ERN2: variants seen among roughly 807,000 people sequenced by gnomAD.
The protein encoded by ERN2 is serine/threonine-protein kinase/endoribonuclease IRE2.
Under a neutral mutation model 107.9 loss-of-function variants are expected in ERN2, and 111 were observed. The observed-to-expected ratio is 1.03, with a 90% CI of 0.88 to 1.20. The LOEUF is 1.20. Ranked by LOEUF, ERN2 falls within the 50% of genes most tolerant of loss-of-function variation. ERN2 has a pLI of 0.00. For missense variants in ERN2, 1,225 were observed against 1,197.9 expected (o/e 1.02, Z -0.33); for synonymous variants, 524 against 501.7 (o/e 1.04, Z -0.59).
rs1960482139 is a variant in ERN2, at chr16:23,710,169, A to G, written c.306+3T>C. 2.5e-6 allele frequency: 4 copies of G among 1,609,152 alleles called. No homozygotes were observed. Among genetic ancestry groups the G allele is most frequent in the Non-Finnish European group, 3.4e-6 (4 of 1,175,500 alleles). On this transcript the variant is annotated splice_donor_region_variant and intron_variant, in intron 4 of 21. Coordinates refer to ENST00000256797, the MANE Select transcript of ERN2 (RefSeq NM_033266.4). ...CCATTCCCGAACACCATGGGATACA[A>G]ACCATTAATCCCTGTTGTTTTTGGG...
chr16:23,694,267 G>T (rs893327072), intron 17 of ERN2, among the ~76,000 whole-genome samples: 8 of 152,202 alleles, frequency 5.3e-5, no homozygotes, highest in African/African-American at 7.2e-5. Flanking sequence ...AAAGTGCTGG[G>T]ATTACAGGCG....
At chr16:23,706,215 C>T (rs768203491) in intron 7 of ERN2, 115 bp downstream of exon 7, 43 of 683,824 alleles carry the variant, frequency 6.3e-5, no homozygotes, top group Non-Finnish European at 9.2e-5. Flanking sequence ...ATATGGGGTC[C>T]CTGGGGAGGT....
intron 14 of ERN2, 138 bp from the exon 15 acceptor site, chr16:23,695,527 A>C: frequency 1.4e-6 from 1 of 723,570 alleles, no homozygotes; most frequent in South Asian, 1.8e-5. Context: ...GGAGTTCGAG[A>C]CCAGCCTGGC....
intron 8 of ERN2, among the ~76,000 whole-genome samples, chr16:23,703,045 A>G (rs922937136): frequency 2.0e-5 from 3 of 151,824 alleles, no homozygotes; most frequent in Non-Finnish European, 4.4e-5. Context: ...GATTCTCCAG[A>G]CTCAACCAAG....
rs1470521496 is a variant in ERN2 at position 23,706,790 on chromosome 16, C to A, written c.451G>T (p.Gly151Cys). Reference protein sequence around the residue: ...GETQMTLTTEGPSTPRLYIGR... With the variant: ...GETQMTLTTECPSTPRLYIGR... Reference sequence around the variant, plus strand: ...ATGTAGAGGCGGGGGGTGGAGGGACCCTCTGTGGTCAGTGTCATCTGGGTC... The same window carrying A: ...ATGTAGAGGCGGGGGGTGGAGGGACACTCTGTGGTCAGTGTCATCTGGGTC... The change falls in exon 6 of 22, where the codon GGT (glycine) becomes TGT (cysteine). Residue 151 changes from glycine (G) to cysteine (C), a missense_variant. Transcript: ENST00000256797. 2 of 1,612,082 alleles carry A rather than the reference C, an allele frequency of 1.2e-6. No individual in the cohort carries two copies. Among genetic ancestry groups the A allele is most frequent in the South Asian group, 1.1e-5 (1 of 90,766 alleles).
In ERN2 at chr16:23,690,703, A is replaced by C; in HGVS notation, c.*128T>G. 1.4e-6 allele frequency: 1 copy of C among 732,770 alleles called. No individual in the cohort carries two copies. The highest frequency in any genetic ancestry group is 2.3e-6 in the Non-Finnish European group (1 of 439,566). The allele number at this position is 732,770 out of a possible 1,614,324, so 45.4% of individuals were successfully genotyped here. A position where few individuals can be genotyped will look rare whatever the true frequency, so the allele number is the denominator to read the frequency against. On this transcript the variant is annotated 3_prime_UTR_variant, in exon 22 of 22. Transcript: ENST00000256797. ...ACTCCTGAGCTCAAGTGATCCTCTCACTCAGCCTCCCAAAATGCTGGGATT... is the reference window on the plus strand; with the variant it reads ...ACTCCTGAGCTCAAGTGATCCTCTCCCTCAGCCTCCCAAAATGCTGGGATT...
In ERN2 at chr16:23,713,155, C is replaced by T. The variant is rs1056223437; in HGVS notation, c.33G>A (p.Trp11Ter). The change falls in exon 1 of 22, where the codon TGG (tryptophan) becomes TGA (stop). Residue 11 changes from tryptophan to a stop codon, truncating the protein, a stop_gained. Coordinates refer to ENST00000256797, the MANE Select transcript of ERN2 (RefSeq NM_033266.4). LOFTEE classifies it high-confidence loss of function. ...ACTGGAGCTGGAGCCCCAGCCGGGG[C>T]CACGGCCTCGACCCCCTGACCGCAC... MASAVRGSRP[W>*]PRLGLQLQFA... 6.4e-7 allele frequency: 1 copy of T among 1,573,728 alleles called. No homozygotes were observed. The highest frequency in any genetic ancestry group is 8.6e-7 in the Non-Finnish European group (1 of 1,165,702).
chr16:23,696,142 A>G (rs942506759), intron 13 of ERN2, among the ~76,000 whole-genome samples, 164 bp from the exon 14 acceptor site: 2 of 152,208 alleles, frequency 1.3e-5, no homozygotes, highest in Non-Finnish European at 2.9e-5. Context: ...TCTGGATCCA[A>G]TGCCTGGTGC....
intron 8 of ERN2, among the ~76,000 whole-genome samples, chr16:23,704,624 A>G (rs1960221513): frequency 6.6e-6 from 1 of 152,160 alleles, no homozygotes; most frequent in African/African-American, 2.4e-5. Context: ...AAACAGACTA[A>G]TACACCCTCC....
Position 23,704,867 on chromosome 16 carries a change from AG to A in ERN2, c.854+15del, listed in dbSNP as rs1335418406. ...CCAGATGGCTCCCTCCCTGGGCCCC[AG>A]GCACGAACACCTACAGCAGCTGGGT... On this transcript the variant is annotated intron_variant, in intron 8 of 21. Transcript: ENST00000256797. 1.9e-6 allele frequency: 3 copies of A among 1,601,064 alleles called. No individual in the cohort carries two copies. The highest frequency in any genetic ancestry group is 1.7e-6 in the Non-Finnish European group (2 of 1,177,258).
Position 23,690,650 on chromosome 16 carries a change from G to GT in ERN2, c.*180dup, listed in dbSNP as rs1398890052. On this transcript the variant is annotated 3_prime_UTR_variant, in exon 22 of 22. Transcript: ENST00000256797. ...TACAAATTTTTTGTAGAAATGGGGT[G>GT]TTGCCATGTTGGCCAGGCTGGTCTC... The GT allele has an allele frequency of 1.5e-5, 9 of 608,254 alleles. No individual in the cohort carries two copies. Among genetic ancestry groups the GT allele is most frequent in the Middle Eastern group, 4.4e-4 (1 of 2,256 alleles). The allele number at this position is 608,254 out of a possible 1,614,324, so 37.7% of individuals were successfully genotyped here. A position where few individuals can be genotyped will look rare whatever the true frequency, so the allele number is the denominator to read the frequency against.
intron 4 of ERN2, 165 bp downstream of exon 4, chr16:23,710,007 C>T: frequency 3.3e-6 from 2 of 608,004 alleles, no homozygotes; most frequent in Non-Finnish European, 6.0e-6. Flanking sequence ...CCCCTTACCA[C>T]CCTTTCAACA....
At position 23,695,003 on chromosome 16, in the gene ERN2, G is replaced by A. The variant is rs983616431; in HGVS notation, c.1900+16C>T. The A allele has an allele frequency of 1.2e-6, 2 of 1,613,030 alleles. No individual in the cohort carries two copies. Among genetic ancestry groups the A allele is most frequent in the Non-Finnish European group, 1.7e-6 (2 of 1,179,296 alleles). ...GGCTAAGGACAGGGAGCGGGAGGCA[G>A]GGGAAGTGCGGGTACCTATGTGTAA... is the stretch of plus-strand genomic sequence containing the variant. On this transcript the variant is annotated intron_variant, in intron 16 of 21. Transcript: ENST00000256797.
chr16:23,692,965 T>C lies in ERN2; in HGVS notation c.2101-634A>G, dbSNP rs536271862. Among the ~76,000 whole-genome samples the C allele has an allele frequency of 2.5e-3, 184 of 74,398 alleles. 2 individuals are homozygous for C. The highest frequency in any genetic ancestry group is 0.01 in the African/African-American group (170 of 16,718). 48.8% of individuals were successfully genotyped at this position (74,398 alleles called of 152,430 possible). ...AACTTTTGGCCTCAAGCGATTCTGA[T>C]TTTTTTTTTTTTTAAAGAAAATCCA... On this transcript the variant is annotated intron_variant, in intron 17 of 21. Coordinates refer to ENST00000256797, the MANE Select transcript of ERN2 (RefSeq NM_033266.4).
chr16:23,701,222 G>T, intron 11 of ERN2, 108 bp from the exon 12 acceptor site: 1 of 1,183,918 alleles, frequency 8.4e-7, no homozygotes, highest in Non-Finnish European at 1.2e-6. Flanking sequence ...GGCAGTGAGT[G>T]GTCTGTGTAT....
chr16:23,692,219 G>T lies in ERN2; in HGVS notation c.2213C>A (p.Ala738Asp), dbSNP rs140064841. 5.0e-6 allele frequency: 8 copies of T among 1,614,050 alleles called. No individual in the cohort carries two copies. Among genetic ancestry groups the T allele is most frequent in the Non-Finnish European group, 6.8e-6 (8 of 1,180,040 alleles). ...TTCCTCCAGGTGAGCCAGACAGGGA[G>T]CCCCTGTGAGGATGTTTGCCTGGCG... ...LYRQANILTG[A>D]PCLAHLEEEV... The change falls in exon 18 of 22, where the codon GCT becomes GAT. Residue 738 changes from alanine to aspartate, a missense_variant. Physicochemically the swap from Ala to Asp is moderately radical, Grantham distance 126. Coordinates refer to ENST00000256797, the MANE Select transcript of ERN2 (RefSeq NM_033266.4).
chr16:23,693,000 AT>A, intron 17 of ERN2, among the ~76,000 whole-genome samples: 1 of 152,042 alleles, frequency 6.6e-6, no homozygotes, highest in South Asian at 2.1e-4. Context: ...AGAAATCCAA[AT>A]TTTATGTGGA....
chr16:23,707,971 G>T (rs549840996), intron 4 of ERN2, among the ~76,000 whole-genome samples: 1 of 152,250 alleles, frequency 6.6e-6, no homozygotes, highest in East Asian at 1.9e-4. Context: ...TATGTCTGTG[G>T]GCACCATGTG....
rs1224808086 is a variant in ERN2 at position 23,692,317 on chromosome 16, G to A, written c.2115C>T (p.Asp705=). ...AGAACACGCAGCCTGCAGAGAAGAT[G>A]TCCACAGCGCTGGTCTGGAGCCAGA... The part of the protein sequence containing the change: ...LPPDSPTSAV[D]IFSAGCVFYY... Residue 705 remains aspartate (D), a synonymous_variant, in exon 18 of 22, where the codon GAC becomes GAT. Coordinates refer to ENST00000256797, the MANE Select transcript of ERN2 (RefSeq NM_033266.4). The A allele has an allele frequency of 1.3e-5, 21 of 1,613,346 alleles. No individual in the cohort carries two copies. Among genetic ancestry groups the A allele is most frequent in the Non-Finnish European group, 1.7e-5 (20 of 1,180,024 alleles).
Sources: allele counts gnomAD v4.1 joint callset (sites outside exome capture counted in the v4.1 genomes callset), GRCh38; gene constraint gnomAD v4.1.1; transcripts MANE v1.5; gene names NCBI Gene and HGNC (gene_info 2026-07-23, HGNC 2026-07-21).